The following VPS13C variants were observed in gnomAD, a reference collection of about 807,000 sequenced individuals.
The protein encoded by VPS13C is vacuolar protein sorting 13 homolog C.
A neutral mutation model predicts 456.8 loss-of-function variants in VPS13C; 358 were observed. That is an observed-to-expected ratio of 0.78 (90% confidence interval 0.72 to 0.86). The LOEUF (loss-of-function observed/expected upper bound fraction) is 0.86. Ranked by LOEUF, VPS13C falls within the 40% of genes least tolerant of loss-of-function variation. VPS13C has a pLI of 0.00. For missense variants in VPS13C, 4,818 were observed against 4,385.4 expected (o/e 1.10, Z -2.79); for synonymous variants, 1,578 against 1,486.7 (o/e 1.06, Z -1.41).
intron 36 of VPS13C, among the ~76,000 whole-genome samples, chr15:61,958,918 T>G (rs976587016): frequency 6.6e-6 from 1 of 152,058 alleles, no homozygotes; most frequent in African/African-American, 2.4e-5. Flanking sequence ...ATAAGATGTT[T>G]ATAGAAAACC....
Position 61,882,469 on chromosome 15 carries a change from G to A in VPS13C, c.9624+127C>T, listed in dbSNP as rs558776555. 1.1e-5 allele frequency: 11 copies of A among 973,386 alleles called. No homozygotes were observed. In the South Asian group the frequency reaches 3.8e-4, roughly 34 times the overall value. 60.3% of individuals were successfully genotyped at this position (973,386 alleles called of 1,614,324 possible). A position where few individuals can be genotyped will look rare whatever the true frequency, so the allele number is the denominator to read the frequency against. The stretch of plus-strand genomic sequence containing the variant: ...AAATAAACAGGATATGTGGAAAAAG[G>A]GGAAAAAACATACAAACAAAGAAAA... On this transcript the variant is annotated intron_variant, in intron 69 of 84. Transcript: ENST00000644861.
rs779616944 is a variant in VPS13C at position 61,881,758 on chromosome 15, G to A, written c.9695C>T (p.Ala3232Val). 2.5e-6 allele frequency: 4 copies of A among 1,608,988 alleles called. No individual in the cohort carries two copies. The highest frequency in any genetic ancestry group is 1.1e-5 in the South Asian group (1 of 89,772). The stretch of plus-strand genomic sequence containing the variant: ...TTATTTTATTTTACCTGAATCTAAA[G>A]CAATAGATTTTGGAGGGGCAACAGG... ...FHPVAPPKSIALDSEPKPFID... is the reference protein window; with the variant it reads ...FHPVAPPKSIVLDSEPKPFID... Residue 3232 changes from alanine (A) to valine (V), a missense_variant, in exon 70 of 85, where the codon GCT (alanine) becomes GTT (valine). Ala to Val is a moderately conservative substitution (Grantham distance 64). Coordinates refer to ENST00000644861, the MANE Select transcript of VPS13C (RefSeq NM_020821.3).
intron 37 of VPS13C, among the ~76,000 whole-genome samples, chr15:61,956,089 C>A (rs149251253): frequency 1.3e-5 from 2 of 152,222 alleles, no homozygotes; most frequent in East Asian, 3.9e-4. Context: ...TGCCCACTGA[C>A]AGTGGACTGA....
At chr15:61,954,855 GTA>G (rs916139383) in intron 37 of VPS13C, among the ~76,000 whole-genome samples, 7 of 152,184 alleles carry the variant, frequency 4.6e-5, no homozygotes, top group African/African-American at 1.7e-4. Context: ...AAGAAAGGAT[GTA>G]TTAGAGGAGG....
chr15:62,056,691 C>G (rs2048812763), intron 1 of VPS13C, among the ~76,000 whole-genome samples: 1 of 152,136 alleles, frequency 6.6e-6, no homozygotes, highest in African/African-American at 2.4e-5. Context: ...CCCTGTGATG[C>G]TGTGCTTCAG....
chr15:61,946,154 T>C (rs1197331673), intron 44 of VPS13C, among the ~76,000 whole-genome samples, 153 bp downstream of exon 44: 2 of 152,148 alleles, frequency 1.3e-5, no homozygotes, highest in Non-Finnish European at 2.9e-5. Flanking sequence ...CTATACACAA[T>C]GTGAAAGCAG....
At chr15:61,958,771 T>A (rs1310285807) in intron 36 of VPS13C, 55 bp from the exon 37 acceptor site, 1 of 942,096 alleles carries the variant, frequency 1.1e-6, no homozygotes, top group Non-Finnish European at 1.5e-6. Flanking sequence ...ATGAAACAAT[T>A]TTAATACAGA....
intron 3 of VPS13C, among the ~76,000 whole-genome samples, chr15:62,036,465 C>T (rs970487865): frequency 3.5e-4 from 53 of 152,030 alleles, no homozygotes; most frequent in Admixed American, 2.0e-4. Context: ...ATTATTTCTC[C>T]ATTTAGATTT....
At chr15:62,003,409 G>A (rs2046709352) in intron 15 of VPS13C, among the ~76,000 whole-genome samples, 1 of 151,818 alleles carries the variant, frequency 6.6e-6, no homozygotes, top group Non-Finnish European at 1.5e-5. Context: ...TCAGCTTAAG[G>A]AGATTTTGGG....
In VPS13C at chr15:61,884,728, GTTAT is replaced by G. The variant is rs545421673; in HGVS notation, c.9342-463_9342-460del. On this transcript the variant is annotated intron_variant, in intron 67 of 84. Transcript: ENST00000644861. ...TTGTGAAAGTAACATGTCACTTAGT[GTTAT>G]TTATTACCAAAATCTATTGTAAATG... Among the ~76,000 whole-genome samples the G allele has an allele frequency of 2.7e-4, 41 of 152,078 alleles. No individual in the cohort carries two copies. In the East Asian group the frequency reaches 6.4e-3, roughly 24 times the overall value.
intron 26 of VPS13C, 59 bp from the exon 27 acceptor site, chr15:61,972,823 C>G: frequency 7.1e-7 from 1 of 1,407,890 alleles, no homozygotes; most frequent in Non-Finnish European, 9.7e-7. Context: ...CTGCATGAAA[C>G]ACTCAAATCT....
rs917382358 is a variant in VPS13C, at chr15:62,023,116, A to G, written c.624+295T>C. 1.2e-4 allele frequency among the ~76,000 whole-genome samples: 18 copies of G among 151,970 alleles called. No individual in the cohort carries two copies. The East Asian group carries it at 1.9e-3, about 16-fold the overall frequency. ...AGCATAAAGCAAAAATTAGTTCCTTAAAGTTATAATATTATGTCTTAACAC... is the reference window on the plus strand; with the variant it reads ...AGCATAAAGCAAAAATTAGTTCCTTGAAGTTATAATATTATGTCTTAACAC... On this transcript the variant is annotated intron_variant, in intron 8 of 84. Transcript: ENST00000644861.
At chr15:62,016,265 TTATATA>T (rs766144187) in intron 9 of VPS13C, among the ~76,000 whole-genome samples, 4 of 150,124 alleles carry the variant, frequency 2.7e-5, no homozygotes, top group African/African-American at 7.3e-5. Flanking sequence ...TAACTTTATT[TTATATA>T]TATATATATT....
Position 61,984,894 on chromosome 15 carries a change from T to C in VPS13C, c.1684A>G (p.Thr562Ala). ...ILKIQIIGLG[T>A]QVSQRPGAQA... Reference sequence around the variant, plus strand: ...GCTCCTGGTCGCTGAGATACTTGAGTGCCCAGGCCAATTATCTGAATTTTT... The same window carrying C: ...GCTCCTGGTCGCTGAGATACTTGAGCGCCCAGGCCAATTATCTGAATTTTT... The change falls in exon 19 of 85, where the codon ACT becomes GCT. Residue 562 changes from threonine to alanine, a missense_variant. By Grantham distance (58) the Thr-to-Ala change is moderately conservative. Transcript: ENST00000644861. 6.2e-7 allele frequency: 1 copy of C among 1,613,296 alleles called. No homozygotes were observed. The highest frequency in any genetic ancestry group is 8.5e-7 in the Non-Finnish European group (1 of 1,179,772).
intron 18 of VPS13C, among the ~76,000 whole-genome samples, chr15:61,986,237 A>G (rs903563566): frequency 6.6e-6 from 1 of 151,934 alleles, no homozygotes; most frequent in East Asian, 1.9e-4. Flanking sequence ...TCAAGTGTCT[A>G]ATTTTAGACT....
At chr15:61,879,275 A>C (rs897704277) in intron 73 of VPS13C, 10 of 152,284 alleles carry the variant, frequency 6.6e-5, no homozygotes, top group Non-Finnish European at 7.3e-5. Context: ...TAGTGCAAGA[A>C]GACATAGGCA....
intron 67 of VPS13C, among the ~76,000 whole-genome samples, chr15:61,889,390 G>A (rs531576757): frequency 9.9e-5 from 15 of 152,016 alleles, no homozygotes; most frequent in Non-Finnish European, 2.1e-4. Context: ...CAGGTGTTGT[G>A]CAAAGTTCAT....
intron 73 of VPS13C, among the ~76,000 whole-genome samples, chr15:61,880,002 T>C (rs1895729437): frequency 6.6e-6 from 1 of 152,266 alleles, no homozygotes; most frequent in Middle Eastern, 3.4e-3. Context: ...ATTATAAATC[T>C]GGCCCATTAC....
intron 51 of VPS13C, 25 bp downstream of exon 51, chr15:61,929,476 T>G: frequency 6.2e-7 from 1 of 1,607,938 alleles, no homozygotes. Flanking sequence ...CAAGTTGTCA[T>G]CTATGACAGA....
Sources: gnomAD v4.1 joint callset for allele counts (sites outside exome capture counted in the v4.1 genomes callset) on GRCh38, gnomAD v4.1.1 for gene constraint, MANE v1.5 for transcripts, NCBI Gene and HGNC (gene_info 2026-07-23, HGNC 2026-07-21) for gene names.